WDPCP: variants seen among roughly 807,000 people sequenced by gnomAD.
WDPCP encodes WD repeat containing planar cell polarity effector.
WDPCP carries 71 observed loss-of-function variants against 93.1 expected under a neutral mutation model. That is an observed-to-expected ratio of 0.76 (90% CI 0.63 to 0.93). WDPCP has a LOEUF of 0.93. Among genes scored for constraint, WDPCP ranks in the 40% least tolerant of loss-of-function variants. The probability of loss-of-function intolerance (pLI) is 0.00; values close to 1 mark genes in which losing one functional copy is unlikely to be tolerated. For missense variants in WDPCP, 844 were observed against 887.4 expected, an observed-to-expected ratio of 0.95 and a Z score of 0.62; for synonymous variants, 315 against 315.0, an observed-to-expected ratio of 1.00 and a Z score of 0.00.
At chr2:63,370,812 GC>G (rs1691313520) in intron 12 of WDPCP, among the ~76,000 whole-genome samples, 1 of 151,030 alleles carries the variant, frequency 6.6e-6, no homozygotes, top group Non-Finnish European at 1.5e-5. Flanking sequence ...TATTCCCTTT[GC>G]TTTTTTTTCT....
At chr2:63,136,920 A>G (rs546937832) in intron 17 of WDPCP, among the ~76,000 whole-genome samples, 1 of 152,274 alleles carries the variant, frequency 6.6e-6, no homozygotes, top group East Asian at 1.9e-4. Context: ...ATAGTATTCC[A>G]TGGTATATAT....
At chr2:63,651,355 AGAGG>A (rs1467050024) in intron 2 of WDPCP, among the ~76,000 whole-genome samples, 6 of 152,206 alleles carry the variant, frequency 3.9e-5, no homozygotes, top group African/African-American at 1.4e-4. Context: ...GTGCTAAGTC[AGAGG>A]AAGGGGAAGT....
chr2:63,386,167 G>A (rs895863905), intron 10 of WDPCP, among the ~76,000 whole-genome samples: 20 of 151,996 alleles, frequency 1.3e-4, no homozygotes, highest in African/African-American at 4.1e-4. Context: ...TTCTTAGGAC[G>A]TGAAAAGCAA....
chr2:63,154,420 T>C (rs68094480), intron 15 of WDPCP, among the ~76,000 whole-genome samples: 14,026 of 152,202 alleles, frequency 0.092, 876 homozygotes, highest in South Asian at 0.17. Context: ...CTTTTGTGAC[T>C]GACTTCTGTC....
At chr2:63,328,731 A>C (rs1687756618) in intron 12 of WDPCP, among the ~76,000 whole-genome samples, 1 of 151,992 alleles carries the variant, frequency 6.6e-6, no homozygotes, top group Non-Finnish European at 1.5e-5. Flanking sequence ...CTGTTTTCTA[A>C]TTTTTACTTT....
intron 14 of WDPCP, among the ~76,000 whole-genome samples, chr2:63,240,558 A>C (rs1679785669): frequency 6.6e-6 from 1 of 152,158 alleles, no homozygotes; most frequent in South Asian, 2.1e-4. Flanking sequence ...TATTGATAGA[A>C]GATATTTTTG....
chr2:63,600,328 G>T (rs1194868417), intron 3 of WDPCP, among the ~76,000 whole-genome samples: 3 of 151,982 alleles, frequency 2.0e-5, no homozygotes, highest in African/African-American at 7.2e-5. Context: ...CCCTGCATTA[G>T]GTAAGAAAAC....
At chr2:63,190,117 A>C (rs2104211308) in intron 14 of WDPCP, among the ~76,000 whole-genome samples, 1 of 152,268 alleles carries the variant, frequency 6.6e-6, no homozygotes, top group African/African-American at 2.4e-5. Context: ...AAAAATAAAC[A>C]AATAGTGACA....
intron 10 of WDPCP, among the ~76,000 whole-genome samples, chr2:63,395,217 G>A (rs1037235085): frequency 4.6e-5 from 7 of 152,228 alleles, no homozygotes; most frequent in Admixed American, 1.3e-4. Flanking sequence ...AAGGCAAATC[G>A]AATCTATTTT....
intron 12 of WDPCP, among the ~76,000 whole-genome samples, chr2:63,352,239 A>G (rs1575205359): frequency 6.6e-6 from 1 of 152,214 alleles, no homozygotes; most frequent in Non-Finnish European, 1.5e-5. Flanking sequence ...CTCTGTTGAT[A>G]GTTTCTTTTG....
chr2:63,525,015 C>T (rs571938038), intron 1 of WDPCP, among the ~76,000 whole-genome samples: 4 of 152,000 alleles, frequency 2.6e-5, no homozygotes. Context: ...CAATGGTAGA[C>T]TGGATAAAGA....
intron 15 of WDPCP, among the ~76,000 whole-genome samples, chr2:63,160,651 G>C (rs1256332625): frequency 6.6e-6 from 1 of 152,180 alleles, no homozygotes; most frequent in African/African-American, 2.4e-5. Flanking sequence ...TAACTGAATA[G>C]TTGATAAGGA....
chr2:63,448,511 A>G (rs1468365347), intron 6 of WDPCP, among the ~76,000 whole-genome samples: 1 of 152,008 alleles, frequency 6.6e-6, no homozygotes, highest in Non-Finnish European at 1.5e-5. Context: ...TTATCAGCAT[A>G]GAGTATTATG....
chr2:63,508,346 G>A (rs1481619691), intron 1 of WDPCP, among the ~76,000 whole-genome samples: 6 of 152,152 alleles, frequency 3.9e-5, no homozygotes, highest in Non-Finnish European at 7.3e-5. Flanking sequence ...AGCTTCATAA[G>A]TGAAGGAGAA....
intron 12 of WDPCP, among the ~76,000 whole-genome samples, chr2:63,373,243 A>ATTT (rs1302542655): frequency 5.0e-5 from 6 of 119,914 alleles, no homozygotes; most frequent in Admixed American, 9.7e-5. Context: ...CTTTGTTTTC[A>ATTT]TTTTTTTGTT....
At chr2:63,357,626 G>A (rs767481303) in intron 12 of WDPCP, among the ~76,000 whole-genome samples, 11 of 152,198 alleles carry the variant, frequency 7.2e-5, no homozygotes, top group Non-Finnish European at 1.0e-4. Flanking sequence ...GCAAGGTTGC[G>A]GAGAAAAGAG....
chr2:63,315,599 G>A (rs1276255744), intron 12 of WDPCP, among the ~76,000 whole-genome samples: 3 of 151,956 alleles, frequency 2.0e-5, no homozygotes, highest in African/African-American at 7.3e-5. Flanking sequence ...AATTATTAAA[G>A]TAGGCATATA....
intron 2 of WDPCP, among the ~76,000 whole-genome samples, chr2:63,706,265 C>T (rs1254989980): frequency 6.6e-6 from 1 of 152,038 alleles, no homozygotes; most frequent in African/African-American, 2.4e-5. Context: ...CCAGTCTGTG[C>T]CTTTTAATTG....
At chr2:63,707,058 CT>C (rs1442834573) in intron 2 of WDPCP, among the ~76,000 whole-genome samples, 1 of 152,182 alleles carries the variant, frequency 6.6e-6, no homozygotes, top group Non-Finnish European at 1.5e-5. Context: ...CTGCCTTTAA[CT>C]TTTTTTCCTT....
Sources: allele counts gnomAD v4.1 joint callset (sites outside exome capture counted in the v4.1 genomes callset), GRCh38; gene constraint gnomAD v4.1.1; transcripts MANE v1.5; gene names NCBI Gene and HGNC (gene_info 2026-07-23, HGNC 2026-07-21).